Variants in EYS observed in about 807,000 individuals in gnomAD.
EYS encodes EGF-like photoreceptor maintenance factor.
A neutral mutation model predicts 282.1 loss-of-function variants in EYS; 250 were observed. The ratio of observed to expected loss-of-function variants is 0.89; its 90% confidence interval spans 0.80 to 0.98. The LOEUF (loss-of-function observed/expected upper bound fraction) is 0.98. EYS is among the 50% of genes least tolerant of loss of function. EYS has a pLI of 0.00. For missense variants in EYS, 4,016 were observed against 3,709.0 expected (o/e 1.08, Z -2.15); for synonymous variants, 1,355 against 1,282.9 (o/e 1.06, Z -1.20).
At chr6:64,726,357 A>G (rs1771755930) in intron 22 of EYS, among the ~76,000 whole-genome samples, 1 of 152,190 alleles carries the variant, frequency 6.6e-6, no homozygotes, top group African/African-American at 2.4e-5. Context: ...TCAATATTTC[A>G]CACATTGCCT....
intron 2 of EYS, among the ~76,000 whole-genome samples, chr6:65,512,967 C>T (rs1032714221): frequency 6.6e-6 from 1 of 151,958 alleles, no homozygotes; most frequent in African/African-American, 2.4e-5. Flanking sequence ...AACAGAGACA[C>T]AAAAAACCCT....
chr6:64,986,916 A>G (rs566297556), intron 14 of EYS, among the ~76,000 whole-genome samples: 226 of 151,484 alleles, frequency 1.5e-3, no homozygotes, highest in African/African-American at 5.2e-3. Flanking sequence ...TCTGTTGATT[A>G]AGCTCATTGA....
At chr6:65,480,522 G>T (rs1477921058) in intron 5 of EYS, among the ~76,000 whole-genome samples, 1 of 151,942 alleles carries the variant, frequency 6.6e-6, no homozygotes, top group Non-Finnish European at 1.5e-5. Context: ...TTCCTCAAAT[G>T]GTAAAATAGA....
At chr6:65,026,454 A>C (rs1427435644) in intron 13 of EYS, among the ~76,000 whole-genome samples, 2 of 152,192 alleles carry the variant, frequency 1.3e-5, no homozygotes, top group East Asian at 3.9e-4. Context: ...GTATGACCAG[A>C]AATAAAACAA....
intron 36 of EYS, among the ~76,000 whole-genome samples, chr6:63,824,119 T>C (rs1231112990): frequency 6.6e-6 from 1 of 152,238 alleles, no homozygotes; most frequent in Non-Finnish European, 1.5e-5. Flanking sequence ...CTCTCTTTCA[T>C]TTATAACGTA....
Position 65,402,586 on chromosome 6 carries a change from G to T in EYS, c.1076C>A (p.Ser359Ter). The T allele has an allele frequency of 6.3e-7, 1 of 1,575,636 alleles. No homozygotes were observed. The highest frequency in any genetic ancestry group is 1.1e-5 in the South Asian group (1 of 89,906). ...KISNDVMCIC[S>*]PIFTDLLCKS... The stretch of plus-strand genomic sequence containing the variant: ...ACAAAGCAAATCTGTAAATATTGGT[G>T]AACAGATGCACATAACATCCTAGGA... Residue 359 changes from serine (S) to a stop codon, truncating the protein, a stop_gained, in exon 7 of 43, where the codon TCA (serine) becomes TAA (stop). Transcript: ENST00000503581. LOFTEE classifies it high-confidence loss of function.
At chr6:64,693,206 TGAAA>T (rs1770461145) in intron 22 of EYS, among the ~76,000 whole-genome samples, 1 of 151,814 alleles carries the variant, frequency 6.6e-6, no homozygotes, top group African/African-American at 2.4e-5. Flanking sequence ...GTTCGTTAAT[TGAAA>T]GACTTAATTT....
chr6:64,816,400 C>T (rs1312161639), intron 21 of EYS, among the ~76,000 whole-genome samples: 1 of 152,040 alleles, frequency 6.6e-6, no homozygotes, highest in African/African-American at 2.4e-5. Flanking sequence ...GACGTAACTA[C>T]GGAATCTGTA....
chr6:64,541,028 T>A (rs1764682169), intron 26 of EYS, among the ~76,000 whole-genome samples: 1 of 152,224 alleles, frequency 6.6e-6, no homozygotes, highest in South Asian at 2.1e-4. Flanking sequence ...TTCCCATGTG[T>A]CTTCCCAATA....
At chr6:63,999,962 G>A (rs974938702) in intron 33 of EYS, among the ~76,000 whole-genome samples, 3 of 152,038 alleles carry the variant, frequency 2.0e-5, no homozygotes, top group Non-Finnish European at 2.9e-5. Flanking sequence ...CTGTTATAAA[G>A]TTTATTTCGT....
intron 33 of EYS, among the ~76,000 whole-genome samples, chr6:64,000,612 G>T (rs1200318679): frequency 1.3e-5 from 2 of 152,068 alleles, no homozygotes; most frequent in Non-Finnish European, 2.9e-5. Context: ...AAATAACTTA[G>T]TAATATTTTT....
At chr6:65,682,102 C>T (rs1205363578) in intron 1 of EYS, among the ~76,000 whole-genome samples, 1 of 151,914 alleles carries the variant, frequency 6.6e-6, no homozygotes, top group Non-Finnish European at 1.5e-5. Context: ...TAGTCTTAAC[C>T]ACAATTGCAA....
intron 35 of EYS, among the ~76,000 whole-genome samples, chr6:63,960,227 G>T (rs1237509030): frequency 6.6e-6 from 1 of 152,134 alleles, no homozygotes; most frequent in Admixed American, 6.6e-5. Context: ...AATCCATGTG[G>T]ATGACTTTGA....
intron 29 of EYS, among the ~76,000 whole-genome samples, chr6:64,380,028 T>C (rs1231358829): frequency 6.6e-6 from 1 of 152,122 alleles, no homozygotes; most frequent in African/African-American, 2.4e-5. Context: ...TTCTATCAAC[T>C]CAAATTGTGT....
intron 13 of EYS, among the ~76,000 whole-genome samples, chr6:65,034,387 T>C (rs182342920): frequency 1.6e-4 from 24 of 152,252 alleles, no homozygotes; most frequent in Admixed American, 1.1e-3. Context: ...TGATATAGCA[T>C]GGATATTTGT....
At chr6:64,162,911 A>C (rs994090508) in intron 31 of EYS, among the ~76,000 whole-genome samples, 2 of 152,134 alleles carry the variant, frequency 1.3e-5, no homozygotes, top group Non-Finnish European at 2.9e-5. Context: ...AAATAGTATG[A>C]ATTCATGTAT....
intron 28 of EYS, among the ~76,000 whole-genome samples, chr6:64,406,042 C>G (rs2150439735): frequency 6.6e-6 from 1 of 152,216 alleles, no homozygotes; most frequent in Non-Finnish European, 1.5e-5. Context: ...AGGCATCACA[C>G]TACCTGACTT....
intron 5 of EYS, among the ~76,000 whole-genome samples, chr6:65,482,694 T>C (rs924556532): frequency 3.3e-5 from 5 of 152,186 alleles, no homozygotes; most frequent in African/African-American, 1.2e-4. Flanking sequence ...TACACTATTC[T>C]CTACTAGTCA....
At chr6:64,273,383 T>C (rs1768003217) in intron 30 of EYS, among the ~76,000 whole-genome samples, 1 of 152,204 alleles carries the variant, frequency 6.6e-6, no homozygotes, top group Non-Finnish European at 1.5e-5. Flanking sequence ...AAAGTAATCA[T>C]CTGCAATCTA....
Sources: allele counts gnomAD v4.1 joint callset (sites outside exome capture counted in the v4.1 genomes callset), GRCh38; gene constraint gnomAD v4.1.1; transcripts MANE v1.5; gene names NCBI Gene and HGNC (gene_info 2026-07-23, HGNC 2026-07-21).